The following RHD variants were observed in gnomAD, a reference collection of about 807,000 sequenced individuals.
The protein encoded by RHD is Rh blood group D antigen.
A neutral mutation model predicts 45.5 loss-of-function variants in RHD; 16 were observed. The observed-to-expected ratio is 0.35, with a 90% CI of 0.24 to 0.53. The LOEUF (loss-of-function observed/expected upper bound fraction) is 0.53. Among genes scored for constraint, RHD ranks in the 20% least tolerant of loss-of-function variants. The pLI is 0.92. For synonymous variants in RHD, 131 were observed against 217.5 expected (o/e 0.60, Z 3.50); for missense variants, 306 against 532.0 (o/e 0.58, Z 4.18).
At chr1:25,299,150 G>A (rs1182383336) in intron 3 of RHD, among the ~76,000 whole-genome samples, 1 of 126,882 alleles carries the variant, frequency 7.9e-6, no homozygotes, top group African/African-American at 2.7e-5. Flanking sequence ...GGGAGGCCAA[G>A]GCGGATGGAT....
chr1:25,300,911 C>T lies in RHD; in HGVS notation c.487-35C>T, dbSNP rs1175115452. 2.2e-6 allele frequency: 3 copies of T among 1,369,212 alleles called. 1 individual carries two copies. The African/African-American group carries it at 4.4e-5, about 20-fold the overall frequency. The allele number at this position is 1,369,212 out of a possible 1,614,324, so 84.8% of individuals were successfully genotyped here. A position where few individuals can be genotyped will look rare whatever the true frequency, so the allele number is the denominator to read the frequency against. On this transcript the variant is annotated intron_variant, in intron 3 of 9. Coordinates refer to ENST00000328664, the MANE Select transcript of RHD (RefSeq NM_016124.6). ...CAGGGCTTGCCCCGGGCAGAGGATG[C>T]CGACACTCACTGCTCTTACTGGGTT... is the stretch of plus-strand genomic sequence containing the variant.
In RHD at chr1:25,313,799, TTATAA is replaced by T. The variant is rs1358798357; in HGVS notation, c.1074-3197_1074-3193del. ...ATGTTAGAATTTGTAGCTGAGGGGT[TTATAA>T]TATGAGTTTCCTATGCCTGAGAAAG... On this transcript the variant is annotated intron_variant, in intron 7 of 9. Transcript: ENST00000328664. Among the ~76,000 whole-genome samples, 19 of 132,462 alleles carry T rather than the reference TTATAA, an allele frequency of 1.4e-4. 4 individuals are homozygous for T. Among genetic ancestry groups the T allele is most frequent in the East Asian group, 1.4e-3 (7 of 5,122 alleles). 86.9% of individuals were successfully genotyped at this position (132,462 alleles called of 152,430 possible). A position where few individuals can be genotyped will look rare whatever the true frequency, so the allele number is the denominator to read the frequency against.
intron 9 of RHD, among the ~76,000 whole-genome samples, chr1:25,322,238 CT>C (rs1292808243): frequency 1.5e-5 from 2 of 132,394 alleles, no homozygotes; most frequent in African/African-American, 5.1e-5. Context: ...TCCCCTCCCC[CT>C]ATCTGCAGTC....
Position 25,299,937 on chromosome 1 carries a change from A to G in RHD, c.487-1009A>G, listed in dbSNP as rs1251898932. ...GCTAATTTTTGTATTTTTAGTAGAG[A>G]CAGGGTTTTGCCATGTTGGCCAGGC... On this transcript the variant is annotated intron_variant, in intron 3 of 9. Transcript: ENST00000328664. Among the ~76,000 whole-genome samples, 2 of 130,438 alleles carry G rather than the reference A, an allele frequency of 1.5e-5. 1 individual carries two copies. The highest frequency in any genetic ancestry group is 3.6e-5 in the Non-Finnish European group (2 of 55,362). 85.6% of individuals were successfully genotyped at this position (130,438 alleles called of 152,430 possible).
At position 25,284,663 on chromosome 1, in the gene RHD, A is replaced by G. The variant is rs368425551; in HGVS notation, c.239A>G (p.Asn80Ser). 1.9e-5 allele frequency: 27 copies of G among 1,388,364 alleles called. No individual in the cohort carries two copies. The highest frequency in any genetic ancestry group is 4.7e-5 in the South Asian group (4 of 85,474). 86.0% of individuals were successfully genotyped at this position (1,388,364 alleles called of 1,614,324 possible). The stretch of plus-strand genomic sequence containing the variant: ...CACAGCTGGAGCAGTGTGGCCTTCA[A>G]CCTCTTCATGCTGGCGCTTGGTGTG... ...RRHSWSSVAF[N>S]LFMLALGVQW... The change falls in exon 2 of 10, where the codon AAC (asparagine) becomes AGC (serine). Residue 80 changes from asparagine to serine, a missense_variant. By Grantham distance (46) the Asn-to-Ser change is conservative (BLOSUM62 1). Transcript: ENST00000328664.
chr1:25,314,724 T>C lies in RHD; in HGVS notation c.1074-2276T>C, dbSNP rs1386771158. Among the ~76,000 whole-genome samples the C allele has an allele frequency of 1.5e-5, 2 of 132,010 alleles. 1 individual carries two copies. The highest frequency in any genetic ancestry group is 3.9e-4 in the East Asian group (2 of 5,116). 86.6% of individuals were successfully genotyped at this position (132,010 alleles called of 152,430 possible). On this transcript the variant is annotated intron_variant, in intron 7 of 9. Coordinates refer to ENST00000328664, the MANE Select transcript of RHD (RefSeq NM_016124.6). ...TTTTGCCATGTTGGACAGGCTGATC[T>C]TGGACTCCTGGCCTCAACTTTGGCC...
In RHD at chr1:25,303,339, G is replaced by A. The variant is rs150606530; in HGVS notation, c.819G>A (p.Ala273=). 2.7e-3 allele frequency: 3,736 copies of A among 1,369,344 alleles called. 676 individuals carry two copies. The African/African-American group carries it at 0.038, about 14-fold the overall frequency. The allele number at this position is 1,369,344 out of a possible 1,614,324, so 84.8% of individuals were successfully genotyped here. The change falls in exon 6 of 10, where the codon GCG becomes GCA. Residue 273 remains alanine, a synonymous_variant. Transcript: ENST00000328664. ...GKISKTYVHS[A]VLAGGVAVGT... The stretch of plus-strand genomic sequence containing the variant: ...CTTTGCAGACTTATGTGCACAGTGC[G>A]GTGTTGGCAGGAGGCGTGGCTGTGG...
chr1:25,315,625 T>C (rs1644399890), intron 7 of RHD, among the ~76,000 whole-genome samples: 1 of 125,958 alleles, frequency 7.9e-6, no homozygotes, highest in African/African-American at 2.7e-5. Flanking sequence ...GCCTCCTGAG[T>C]AGCTGGGACT....
chr1:25,285,630 T>C (rs1302668624), intron 2 of RHD, among the ~76,000 whole-genome samples: 1 of 135,160 alleles, frequency 7.4e-6, no homozygotes, highest in African/African-American at 2.6e-5. Context: ...TGGATATTGA[T>C]TAGGAAGGAA....
At chr1:25,286,508 C>A (rs376963872) in intron 2 of RHD, among the ~76,000 whole-genome samples, 2 of 134,596 alleles carry the variant, frequency 1.5e-5, no homozygotes, top group Non-Finnish European at 3.5e-5. Context: ...TTTTAGGGGC[C>A]GGGCGCAGTG....
intron 3 of RHD, among the ~76,000 whole-genome samples, chr1:25,296,328 C>A (rs1202674265): frequency 8.0e-6 from 1 of 124,412 alleles, no homozygotes. Context: ...CTCACTGCAA[C>A]CTCCGCCTCC....
chr1:25,286,901 T>C (rs1189675316), intron 2 of RHD, among the ~76,000 whole-genome samples: 2 of 134,354 alleles, frequency 1.5e-5, no homozygotes, highest in East Asian at 3.9e-4. Context: ...GAGACCAACC[T>C]GAGCAACATG....
intron 1 of RHD, among the ~76,000 whole-genome samples, chr1:25,281,824 T>C (rs1222493875): frequency 1.5e-5 from 2 of 132,696 alleles, no homozygotes. Flanking sequence ...ATCCTGGTGG[T>C]GTCAGGTTGA....
In RHD at chr1:25,320,512, C is replaced by G. The variant is rs189371258; in HGVS notation, c.1154-1377C>G. ...CGTCATGCTGGTTGTACCCTGCATG[C>G]CAATATCAGCTAAAAGCAGCACCAC... On this transcript the variant is annotated intron_variant, in intron 8 of 9. Transcript: ENST00000328664. Among the ~76,000 whole-genome samples, 6 of 132,028 alleles carry G rather than the reference C, an allele frequency of 4.5e-5. 3 individuals carry two copies. The highest frequency in any genetic ancestry group is 1.1e-4 in the Non-Finnish European group (6 of 55,712). 86.6% of individuals were successfully genotyped at this position (132,028 alleles called of 152,430 possible). A position where few individuals can be genotyped will look rare whatever the true frequency, so the allele number is the denominator to read the frequency against.
chr1:25,297,649 A>G (rs1379459295), intron 3 of RHD, among the ~76,000 whole-genome samples: 1 of 131,828 alleles, frequency 7.6e-6, no homozygotes, highest in Non-Finnish European at 1.8e-5. Flanking sequence ...GTACTTATTT[A>G]TATCACCATG....
At chr1:25,276,531 C>CAAAAAAAAAAAAAAA (rs1640993917) in intron 1 of RHD, among the ~76,000 whole-genome samples, 1 of 13,764 alleles carries the variant, frequency 7.3e-5, no homozygotes, top group African/African-American at 2.0e-4. Flanking sequence ...CCCCCCATCT[C>CAAAAAAAAAAAAAAA]TAAAAAAAAA....
chr1:25,306,501 C>A lies in RHD; in HGVS notation c.940-95C>A, dbSNP rs41310401. The A allele has an allele frequency of 4.1e-3, 4,808 of 1,183,942 alleles. 1,080 individuals are homozygous for A. The highest frequency in any genetic ancestry group is 9.5e-3 in the South Asian group (775 of 81,392). 73.3% of individuals were successfully genotyped at this position (1,183,942 alleles called of 1,614,324 possible). A position where few individuals can be genotyped will look rare whatever the true frequency, so the allele number is the denominator to read the frequency against. ...GAGGTGAGCCTTAGTGCCCATCCCC[C>A]TTTGGTGGCCCCGGATACCAAGGGT... On this transcript the variant is annotated intron_variant, in intron 6 of 9. Transcript: ENST00000328664.
At chr1:25,287,167 G>A (rs1367927928) in intron 2 of RHD, among the ~76,000 whole-genome samples, 16 of 134,240 alleles carry the variant, frequency 1.2e-4, no homozygotes, top group Non-Finnish European at 1.9e-4. Flanking sequence ...ACACATGCAC[G>A]CATACACACA....
At position 25,283,983 on chromosome 1, in the gene RHD, G is replaced by A. The variant is rs1272296433; in HGVS notation, c.149-590G>A. On this transcript the variant is annotated intron_variant, in intron 1 of 9. Transcript: ENST00000328664. ...ACCGGGAAAGGTGAGGGCTACCCAG[G>A]TGGCCCTGATGTTTTCTGCCAGCCA... 2.2e-5 allele frequency among the ~76,000 whole-genome samples: 3 copies of A among 134,802 alleles called. 1 individual carries two copies. The highest frequency in any genetic ancestry group is 4.4e-4 in the South Asian group (2 of 4,582). The allele number at this position is 134,802 out of a possible 152,430, so 88.4% of individuals were successfully genotyped here. A position where few individuals can be genotyped will look rare whatever the true frequency, so the allele number is the denominator to read the frequency against.
Sources: gnomAD v4.1 joint callset for allele counts (sites outside exome capture counted in the v4.1 genomes callset) on GRCh38, gnomAD v4.1.1 for gene constraint, MANE v1.5 for transcripts, NCBI Gene and HGNC (gene_info 2026-07-23, HGNC 2026-07-21) for gene names.